Variants in FLI1 observed in about 807,000 individuals in gnomAD.
The protein encoded by FLI1 is Friend leukemia integration 1 transcription factor.
In FLI1, 13 loss-of-function variants were observed where a neutral mutation model predicts 53.1. The ratio of observed to expected loss-of-function variants is 0.24; its 90% CI spans 0.16 to 0.39. The LOEUF is 0.39. Among genes scored for constraint, FLI1 ranks in the 10% least tolerant of loss-of-function variants. The pLI is 1.00. For missense variants in FLI1, 424 were observed against 600.5 expected (o/e 0.71, Z 3.07); for synonymous variants, 244 against 236.7 (o/e 1.03, Z -0.28).
chr11:128,745,729 A>G (rs886485461), intron 1 of FLI1, among the ~76,000 whole-genome samples: 1 of 152,232 alleles, frequency 6.6e-6, no homozygotes, highest in Non-Finnish European at 1.5e-5. Context: ...TGCCAGTCAC[A>G]CAAAGCGTCC....
intron 1 of FLI1, among the ~76,000 whole-genome samples, chr11:128,734,095 G>C (rs974026573): frequency 1.3e-5 from 2 of 152,232 alleles, no homozygotes; most frequent in Admixed American, 1.3e-4. Flanking sequence ...GCTACCACGT[G>C]CTGAAAAATA....
intron 5 of FLI1, among the ~76,000 whole-genome samples, chr11:128,793,774 C>A (rs531836822): frequency 1.3e-5 from 2 of 152,336 alleles, no homozygotes; most frequent in South Asian, 4.2e-4. Flanking sequence ...AATGCATGAG[C>A]CCTGCTACAT....
intron 1 of FLI1, among the ~76,000 whole-genome samples, chr11:128,728,844 A>G (rs1282409388): frequency 6.6e-6 from 1 of 152,232 alleles, no homozygotes; most frequent in Non-Finnish European, 1.5e-5. Context: ...AACTAACCAC[A>G]TTCAATTAGT....
At chr11:128,786,977 C>A (rs1047622052) in intron 5 of FLI1, among the ~76,000 whole-genome samples, 1 of 152,214 alleles carries the variant, frequency 6.6e-6, no homozygotes, top group Admixed American at 6.5e-5. Flanking sequence ...CACAGCCCCA[C>A]TGCAAGCGGA....
intron 1 of FLI1, among the ~76,000 whole-genome samples, chr11:128,743,256 G>C (rs1319811149): frequency 6.6e-6 from 1 of 151,938 alleles, no homozygotes; most frequent in Non-Finnish European, 1.5e-5. Flanking sequence ...TAAATTAGCT[G>C]GCATGGTGGT....
chr11:128,716,985 A>G (rs1266000740), intron 1 of FLI1, among the ~76,000 whole-genome samples: 1 of 152,112 alleles, frequency 6.6e-6, no homozygotes. Context: ...CAGCTTCAGA[A>G]AGCAGCAGGG....
At chr11:128,735,305 G>A (rs944165713) in intron 1 of FLI1, among the ~76,000 whole-genome samples, 10 of 152,176 alleles carry the variant, frequency 6.6e-5, no homozygotes, top group Admixed American at 3.9e-4. Context: ...AGGCAGAGAT[G>A]GAGCTGGACA....
chr11:128,694,747 G>A (rs1027323189), intron 1 of FLI1, among the ~76,000 whole-genome samples: 2 of 152,202 alleles, frequency 1.3e-5, no homozygotes, highest in African/African-American at 4.8e-5. Context: ...CCTGCCTGGT[G>A]GGCCCTGGGG....
chr11:128,799,034 A>T (rs1230302527), intron 5 of FLI1, among the ~76,000 whole-genome samples: 148 of 131,752 alleles, frequency 1.1e-3, no homozygotes, highest in African/African-American at 5.3e-4. Context: ...TATTATTATT[A>T]TTATTATTAT....
chr11:128,751,564 T>C (rs1217495753), intron 1 of FLI1, among the ~76,000 whole-genome samples: 1 of 152,046 alleles, frequency 6.6e-6, no homozygotes, highest in Non-Finnish European at 1.5e-5. Context: ...TCTCGCTCTG[T>C]CGCCCAGGCT....
In FLI1 at chr11:128,812,196, T is replaced by C. The variant is rs1346055726; in HGVS notation, c.*1208T>C. 4.6e-6 allele frequency: 1 copy of C among 218,932 alleles called. No individual in the cohort carries two copies. Among genetic ancestry groups the C allele is most frequent in the Non-Finnish European group, 9.2e-6 (1 of 108,924 alleles). 13.6% of individuals were successfully genotyped at this position (218,932 alleles called of 1,614,324 possible). On this transcript the variant is annotated 3_prime_UTR_variant, in exon 9 of 9. Coordinates refer to ENST00000527786, the MANE Select transcript of FLI1 (RefSeq NM_002017.5). ...AATGCTTTGGAAATGCGTGTAACAG[T>C]ACTGCAATAATCACAGCTCTGGGAA...
chr11:128,732,820 C>G (rs894212302), intron 1 of FLI1, among the ~76,000 whole-genome samples: 2 of 152,136 alleles, frequency 1.3e-5, no homozygotes, highest in African/African-American at 4.8e-5. Context: ...CTTGACATGC[C>G]CTTGTTTTGC....
chr11:128,743,363 C>T (rs1345655961), intron 1 of FLI1, among the ~76,000 whole-genome samples: 5 of 150,960 alleles, frequency 3.3e-5, no homozygotes, highest in Non-Finnish European at 5.9e-5. Flanking sequence ...CGTGATCATG[C>T]CACTGCACTT....
chr11:128,778,400 C>T (rs967989446), intron 4 of FLI1, among the ~76,000 whole-genome samples: 2 of 152,206 alleles, frequency 1.3e-5, no homozygotes, highest in Non-Finnish European at 2.9e-5. Context: ...CACCACCCTG[C>T]TTCCCAGCCC....
upstream of FLI1, among the ~76,000 whole-genome samples, chr11:128,689,735 C>A (rs1260477660): frequency 6.6e-6 from 1 of 152,226 alleles, no homozygotes; most frequent in Non-Finnish European, 1.5e-5. Context: ...GGTCTGGACA[C>A]CTGGCTGGTC....
At chr11:128,703,678 A>G (rs150763022) in intron 1 of FLI1, among the ~76,000 whole-genome samples, 1,560 of 152,116 alleles carry the variant, frequency 0.01, 34 homozygotes, top group African/African-American at 0.035. Flanking sequence ...CTCTACCTCT[A>G]CTAAAAATAC....
At chr11:128,707,196 C>T (rs551337860) in intron 1 of FLI1, among the ~76,000 whole-genome samples, 4 of 152,244 alleles carry the variant, frequency 2.6e-5, no homozygotes, top group African/African-American at 9.6e-5. Context: ...TAGCCCTGTA[C>T]CCAAGTTCAT....
intron 1 of FLI1, among the ~76,000 whole-genome samples, chr11:128,734,334 G>A (rs1344119525): frequency 1.3e-5 from 2 of 152,212 alleles, no homozygotes; most frequent in Non-Finnish European, 2.9e-5. Context: ...GCAGGATCGA[G>A]CTGAGTACTC....
chr11:128,754,815 G>A (rs958726004), intron 1 of FLI1, among the ~76,000 whole-genome samples: 2 of 152,206 alleles, frequency 1.3e-5, no homozygotes, highest in African/African-American at 4.8e-5. Flanking sequence ...TGCCCAGACT[G>A]GACAGAAGTG....
Sources: allele counts gnomAD v4.1 joint callset (sites outside exome capture counted in the v4.1 genomes callset), GRCh38; gene constraint gnomAD v4.1.1; transcripts MANE v1.5; gene names NCBI Gene and HGNC (gene_info 2026-07-23, HGNC 2026-07-21).